ESYT2: variants seen among roughly 807,000 people sequenced by gnomAD.
ESYT2 encodes extended synaptotagmin 2.
ESYT2 carries 54 observed loss-of-function variants against 107.2 expected under a neutral mutation model. The observed-to-expected ratio is 0.50, with a 90% CI of 0.40 to 0.63. ESYT2 has a LOEUF of 0.63. ESYT2 is among the 30% of genes least tolerant of loss of function. The probability of loss-of-function intolerance (pLI) is 0.00; values close to 1 mark genes in which losing one functional copy is unlikely to be tolerated. For synonymous variants in ESYT2, 491 were observed against 434.1 expected, an observed-to-expected ratio of 1.13 and a Z score of -1.63; for missense variants, 1,020 against 1,094.5, an observed-to-expected ratio of 0.93 and a Z score of 0.96.
intron 19 of ESYT2, 132 bp from the exon 20 acceptor site, chr7:158,737,311 G>C (rs1325780885): frequency 8.3e-7 from 1 of 1,209,216 alleles, no homozygotes; most frequent in Non-Finnish European, 1.1e-6. Context: ...GGAACAGAAT[G>C]CGTGAGGCGC....
chr7:158,748,956 T>C (rs1054515115), intron 15 of ESYT2, among the ~76,000 whole-genome samples: 3 of 152,106 alleles, frequency 2.0e-5, no homozygotes, highest in Non-Finnish European at 4.4e-5. Flanking sequence ...TCTTTTCAAG[T>C]CGTAATTCTA....
At chr7:158,818,711 A>C (rs1840211524) in intron 1 of ESYT2, among the ~76,000 whole-genome samples, 4 of 152,224 alleles carry the variant, frequency 2.6e-5, no homozygotes. Context: ...GCACAGAGTC[A>C]GGCTCAACCC....
chr7:158,735,440 C>T (rs1421501629), intron 21 of ESYT2, 63 bp downstream of exon 21: 5 of 1,384,546 alleles, frequency 3.6e-6, no homozygotes, highest in East Asian at 2.3e-5. Flanking sequence ...AAACACTGCA[C>T]TGCAGGTAAA....
intron 13 of ESYT2, 119 bp downstream of exon 13, chr7:158,759,367 A>C (rs966272301): frequency 2.3e-5 from 17 of 748,074 alleles, no homozygotes; most frequent in Non-Finnish European, 3.4e-5. Context: ...CTTGGACGTG[A>C]AGTGAAAACA....
rs575800973 is a variant in ESYT2, at chr7:158,828,876, C to A, written c.330+213G>T. Among the ~76,000 whole-genome samples the A allele has an allele frequency of 3.4e-3, 448 of 132,850 alleles. 4 individuals carry two copies. The highest frequency in any genetic ancestry group is 0.011 in the African/African-American group (414 of 36,066). 87.2% of individuals were successfully genotyped at this position (132,850 alleles called of 152,430 possible). A position where few individuals can be genotyped will look rare whatever the true frequency, so the allele number is the denominator to read the frequency against. On this transcript the variant is annotated intron_variant, in intron 1 of 22. Transcript: ENST00000275418. ...GGTTGGCAGGTCGCAGGAACCGGCC[C>A]GGGGGCCGGGGCTGGGGTCTGCACT...
At chr7:158,761,076 G>A (rs1362090224) in intron 11 of ESYT2, among the ~76,000 whole-genome samples, 3 of 152,110 alleles carry the variant, frequency 2.0e-5, no homozygotes, top group East Asian at 3.9e-4. Context: ...AGTTCCCACT[G>A]TCTCTACAGG....
At chr7:158,771,077 A>G (rs1306835290) in intron 7 of ESYT2, among the ~76,000 whole-genome samples, 1 of 152,252 alleles carries the variant, frequency 6.6e-6, no homozygotes, top group Non-Finnish European at 1.5e-5. Flanking sequence ...GGAGCTATAC[A>G]TGTATATTTA....
chr7:158,743,558 T>C lies in ESYT2; in HGVS notation c.1765A>G (p.Ser589Gly), dbSNP rs1837289014. The change falls in exon 17 of 23, where the codon AGC becomes GGC. Residue 589 changes from serine (S) to glycine (G), a missense_variant. By Grantham distance (56) the Ser-to-Gly change is moderately conservative. Transcript: ENST00000275418. The part of the protein sequence containing the change: ...RFQLSNSGPN[S>G]TIKMKIALRV... Reference sequence around the variant, plus strand: ...AGGGCAATCTTCATCTTGATGGTGCTGTTTGGACCCGAGTTACTGAGCTGG... The same window carrying C: ...AGGGCAATCTTCATCTTGATGGTGCCGTTTGGACCCGAGTTACTGAGCTGG... The C allele has an allele frequency of 1.2e-6, 2 of 1,612,902 alleles. No homozygotes were observed. Among genetic ancestry groups the C allele is most frequent in the Non-Finnish European group, 1.7e-6 (2 of 1,179,610 alleles).
chr7:158,773,047 T>C (rs747963808), intron 7 of ESYT2, among the ~76,000 whole-genome samples: 1 of 152,138 alleles, frequency 6.6e-6, no homozygotes, highest in Non-Finnish European at 1.5e-5. Flanking sequence ...ACCTCTACTT[T>C]TCGAACATGC....
chr7:158,780,337 C>T (rs574427207), intron 6 of ESYT2, among the ~76,000 whole-genome samples: 3 of 152,144 alleles, frequency 2.0e-5, no homozygotes, highest in Non-Finnish European at 2.9e-5. Context: ...AGATCTTTCT[C>T]GCCACTATCA....
intron 19 of ESYT2, among the ~76,000 whole-genome samples, chr7:158,738,323 A>G (rs1837042500): frequency 8.4e-6 from 1 of 118,690 alleles, no homozygotes; most frequent in Admixed American, 9.6e-5. Flanking sequence ...AAAAAAAAAA[A>G]AAAATACACA....
At chr7:158,766,831 G>C (rs1193520479) in intron 8 of ESYT2, among the ~76,000 whole-genome samples, 2 of 152,308 alleles carry the variant, frequency 1.3e-5, no homozygotes, top group East Asian at 3.9e-4. Context: ...GGAGTCCAAA[G>C]TCCAGACAGA....
At chr7:158,810,922 T>C (rs1238313268) in intron 1 of ESYT2, among the ~76,000 whole-genome samples, 1 of 151,894 alleles carries the variant, frequency 6.6e-6, no homozygotes, top group Non-Finnish European at 1.5e-5. Context: ...CCTGAGAATA[T>C]ACTGAAAAAC....
In ESYT2 at chr7:158,775,828, T is replaced by G. The variant is rs190055963; in HGVS notation, c.748-2432A>C. On this transcript the variant is annotated intron_variant, in intron 6 of 22. Transcript: ENST00000275418. The stretch of plus-strand genomic sequence containing the variant: ...AATGGCATCTAGGATGGTGAATCCT[T>G]TCCGGAGGTTTTCGACTTACTTTGC... Among the ~76,000 whole-genome samples, 12 of 152,300 alleles carry G rather than the reference T, an allele frequency of 7.9e-5. No homozygotes were observed. In the East Asian group the frequency reaches 2.3e-3, roughly 29 times the overall value.
chr7:158,740,194 C>G (rs904341674), intron 18 of ESYT2, among the ~76,000 whole-genome samples: 2 of 152,204 alleles, frequency 1.3e-5, no homozygotes, highest in African/African-American at 4.8e-5. Context: ...TCTAGAGAGG[C>G]TGGGCACTCT....
At chr7:158,808,806 T>TAA (rs56268365) in intron 1 of ESYT2, among the ~76,000 whole-genome samples, 18 of 138,272 alleles carry the variant, frequency 1.3e-4, no homozygotes, top group Non-Finnish European at 1.6e-4. Context: ...CCATCTCTAC[T>TAA]AAAAAAAAAA....
chr7:158,807,777 C>T (rs1239636001), intron 1 of ESYT2, among the ~76,000 whole-genome samples: 1 of 152,180 alleles, frequency 6.6e-6, no homozygotes, highest in East Asian at 1.9e-4. Context: ...TCCAAAAGAA[C>T]TTTAATATGG....
intron 1 of ESYT2, among the ~76,000 whole-genome samples, chr7:158,812,252 C>T (rs143660981): frequency 7.9e-5 from 12 of 152,288 alleles, no homozygotes; most frequent in East Asian, 7.7e-4. Context: ...GCCACTTCGC[C>T]GAGACTGCTA....
At chr7:158,808,623 A>C (rs1030537146) in intron 1 of ESYT2, among the ~76,000 whole-genome samples, 4 of 152,204 alleles carry the variant, frequency 2.6e-5, no homozygotes, top group African/African-American at 9.7e-5. Flanking sequence ...TTTTGCTGTC[A>C]CATGTCAAAC....
Sources: allele counts gnomAD v4.1 joint callset (sites outside exome capture counted in the v4.1 genomes callset), GRCh38; gene constraint gnomAD v4.1.1; transcripts MANE v1.5; gene names NCBI Gene and HGNC (gene_info 2026-07-23, HGNC 2026-07-21).